The following PAQR3 variants were observed in gnomAD, a reference collection of about 807,000 sequenced individuals.
PAQR3 encodes Raf kinase trapping to Golgi.
Under a neutral mutation model 41.7 loss-of-function variants are expected in PAQR3, and 39 were observed. The ratio of observed to expected loss-of-function variants is 0.93; its 90% CI spans 0.72 to 1.22. PAQR3 has a LOEUF of 1.22. Among genes scored for constraint, PAQR3 ranks in the 50% most tolerant of loss-of-function variants. PAQR3 has a pLI of 0.00. For synonymous variants in PAQR3, 140 were observed against 140.6 expected (o/e 1.00, Z 0.03); for missense variants, 366 against 385.6 (o/e 0.95, Z 0.42).
intron 1 of PAQR3, among the ~76,000 whole-genome samples, chr4:78,935,847 G>T (rs1737372403): frequency 6.6e-6 from 1 of 152,190 alleles, no homozygotes; most frequent in Non-Finnish European, 1.5e-5. Context: ...TTGATCCATT[G>T]GAAAGGTTCT....
chr4:78,929,129 G>A (rs1404404115), intron 3 of PAQR3, among the ~76,000 whole-genome samples: 1 of 152,198 alleles, frequency 6.6e-6, no homozygotes, highest in African/African-American at 2.4e-5. Context: ...TTCCTAACAG[G>A]CCACGGACAG....
intron 4 of PAQR3, 49 bp from the exon 5 acceptor site, chr4:78,923,996 C>T (rs2110140504): frequency 7.6e-7 from 1 of 1,319,158 alleles, no homozygotes; most frequent in Non-Finnish European, 1.1e-6. Context: ...TGTTACTGAA[C>T]TCTAAATTTA....
At chr4:78,910,805 G>A (rs1167395860), downstream of PAQR3, 13 of 1,613,812 alleles carry the variant, frequency 8.1e-6, no homozygotes, top group African/African-American at 1.3e-5. Flanking sequence ...TCTCCTAAGA[G>A]CAGTGAAGAG....
At chr4:78,908,383 C>G (rs1172578853), downstream of PAQR3, among the ~76,000 whole-genome samples, 1 of 152,208 alleles carries the variant, frequency 6.6e-6, no homozygotes. Context: ...CTCTCCATTT[C>G]TGTGACATTG....
rs533103631 is a variant in PAQR3, at chr4:78,930,305, C to T, written c.369G>A (p.Val123=). Residue 123 remains valine, a synonymous_variant, in exon 3 of 6, where the codon GTG becomes GTA. Coordinates refer to ENST00000512733, the MANE Select transcript of PAQR3 (RefSeq NM_001040202.2). ...GATGGCAGGAAAAAAGATGATAGCC[C>T]ACAGAGCAAAGCATACAGACCTGTG... ...FCFQVCMLCS[V]GYHLFSCHRS... The T allele has an allele frequency of 2.4e-5, 38 of 1,613,300 alleles. No homozygotes were observed. The African/African-American group carries it at 3.9e-4, about 16-fold the overall frequency.
At chr4:78,893,487 G>T (rs929957802) in intron 11 of PAQR3, among the ~76,000 whole-genome samples, 4 of 152,206 alleles carry the variant, frequency 2.6e-5, no homozygotes, top group Non-Finnish European at 4.4e-5. Context: ...TTCTTTTCAG[G>T]TTTTCAGTTT....
chr4:78,903,095 G>T (rs906430246), intron 11 of PAQR3, among the ~76,000 whole-genome samples: 9 of 148,158 alleles, frequency 6.1e-5, no homozygotes, highest in Admixed American at 2.0e-4. Context: ...TCCCACCAAG[G>T]TATTGTATTG....
chr4:78,892,379 AATAATGTTCCAGTATC>A (rs1490620396), intron 11 of PAQR3, among the ~76,000 whole-genome samples: 1 of 152,158 alleles, frequency 6.6e-6, no homozygotes, highest in Non-Finnish European at 1.5e-5. Context: ...TGAAGTTTTT[AATAATGTTCCAGTATC>A]ATCATTTGAA....
intron 11 of PAQR3, among the ~76,000 whole-genome samples, chr4:78,900,702 A>G (rs973677423): frequency 1.3e-5 from 2 of 152,228 alleles, no homozygotes; most frequent in African/African-American, 4.8e-5. Context: ...TTAGCTGAAT[A>G]TAACATTTAG....
intron 11 of PAQR3, among the ~76,000 whole-genome samples, chr4:78,902,232 G>T (rs981094661): frequency 6.6e-6 from 1 of 152,084 alleles, no homozygotes; most frequent in Non-Finnish European, 1.5e-5. Flanking sequence ...TAGGAATCTG[G>T]CTTTGTCTCA....
intron 1 of PAQR3, 55 bp from the exon 2 acceptor site, chr4:78,935,338 G>T: frequency 6.6e-7 from 1 of 1,521,758 alleles, no homozygotes; most frequent in South Asian, 1.2e-5. Flanking sequence ...TTACTGTCAC[G>T]TTCAAAGGTT....
chr4:78,926,595 C>T lies in PAQR3; in HGVS notation c.628G>A (p.Val210Ile). Reference protein sequence around the residue: ...QRLRSIIFCSVSGYGVIPTLH... With the variant: ...QRLRSIIFCSISGYGVIPTLH... ...GTAGGAATCACTCCATATCCCGAAA[C>T]AGAACAAAAGATGATAGAACGGAGC... is the stretch of plus-strand genomic sequence containing the variant. Residue 210 changes from valine to isoleucine, a missense_variant, in exon 4 of 6, where the codon GTT becomes ATT. Val to Ile is a conservative substitution (Grantham distance 29, BLOSUM62 3). Transcript: ENST00000512733. 2 of 1,614,022 alleles carry T rather than the reference C, an allele frequency of 1.2e-6. No individual in the cohort carries two copies. Among genetic ancestry groups the T allele is most frequent in the Non-Finnish European group, 1.7e-6 (2 of 1,179,956 alleles).
At chr4:78,930,122 C>A in intron 3 of PAQR3, 48 bp downstream of exon 3, 2 of 1,537,568 alleles carry the variant, frequency 1.3e-6, no homozygotes, top group Non-Finnish European at 1.8e-6. Context: ...GCAAGAAAAC[C>A]CAAGACCAAT....
chr4:78,911,402 A>G (rs1369043234), downstream of PAQR3: 1 of 1,613,900 alleles, frequency 6.2e-7, no homozygotes, highest in Admixed American at 1.7e-5. Context: ...AGCAATGAGG[A>G]CCTTTTTGGG....
At chr4:78,897,511 CTCA>C (rs1462088624) in intron 11 of PAQR3, among the ~76,000 whole-genome samples, 11 of 152,114 alleles carry the variant, frequency 7.2e-5, no homozygotes, top group African/African-American at 2.2e-4. Context: ...AAAACACAAT[CTCA>C]TCATTATATT....
Position 78,927,929 on chromosome 4 carries a change from G to A in PAQR3, c.505-1211C>T, listed in dbSNP as rs375801667. 3.3e-5 allele frequency among the ~76,000 whole-genome samples: 5 copies of A among 152,292 alleles called. No individual in the cohort carries two copies. In the South Asian group the frequency reaches 6.2e-4, roughly 19 times the overall value. The stretch of plus-strand genomic sequence containing the variant: ...GGTCCACAGTTTCCAATCTCATTCT[G>A]AAAGCAGCTGTGTTCCTTAAAAGGT... On this transcript the variant is annotated intron_variant, in intron 3 of 5. Transcript: ENST00000512733.
chr4:78,910,851 A>T (rs1224678462), downstream of PAQR3: 1 of 1,614,012 alleles, frequency 6.2e-7, no homozygotes, highest in African/African-American at 1.3e-5. Context: ...TTCAGGGGGA[A>T]CAAGGAGATT....
chr4:78,939,035 C>T lies in PAQR3; in HGVS notation c.185+5G>A. On this transcript the variant is annotated splice_donor_5th_base_variant and intron_variant, in intron 1 of 5. Transcript: ENST00000512733. The stretch of plus-strand genomic sequence containing the variant: ...GCACTCCAGGCGGAGGCAGCCAGAC[C>T]GTACCTTTTGATACACAGCCTGGAC... 1 of 1,593,990 alleles carries T rather than the reference C, an allele frequency of 6.3e-7. No individual in the cohort carries two copies. The highest frequency in any genetic ancestry group is 8.6e-7 in the Non-Finnish European group (1 of 1,165,926).
chr4:78,911,635 C>G, downstream of PAQR3: 1 of 1,613,974 alleles, frequency 6.2e-7, no homozygotes, highest in East Asian at 2.2e-5. Context: ...CCGAGACTCT[C>G]AAAGTAGCAA....
Sources: allele counts gnomAD v4.1 joint callset (sites outside exome capture counted in the v4.1 genomes callset), GRCh38; gene constraint gnomAD v4.1.1; transcripts MANE v1.5; gene names NCBI Gene and HGNC (gene_info 2026-07-23, HGNC 2026-07-21).